Variants in NBEA observed in about 807,000 individuals in gnomAD.
The protein encoded by NBEA is neurobeachin.
Under a neutral mutation model 343.4 loss-of-function variants are expected in NBEA, and 44 were observed. The ratio of observed to expected loss-of-function variants is 0.13; its 90% CI spans 0.10 to 0.16. The LOEUF (loss-of-function observed/expected upper bound fraction) is 0.16. Ranked by LOEUF, NBEA falls within the 10% of genes least tolerant of loss-of-function variation. The probability of loss-of-function intolerance (pLI) is 1.00; values close to 1 mark genes in which losing one functional copy is unlikely to be tolerated. For missense variants in NBEA, 2,555 were observed against 3,631.3 expected, an observed-to-expected ratio of 0.70 and a Z score of 7.62; for synonymous variants, 1,175 against 1,238.7, an observed-to-expected ratio of 0.95 and a Z score of 1.08.
chr13:35,522,698 C>T (rs2077777867), intron 41 of NBEA, among the ~76,000 whole-genome samples: 1 of 151,886 alleles, frequency 6.6e-6, no homozygotes, highest in Admixed American at 6.6e-5. Flanking sequence ...GCTCCACCTC[C>T]TGTCAGATCA....
Position 35,654,834 on chromosome 13 carries a change from CT to C in NBEA, c.8036-15del. 3 of 1,553,702 alleles carry C rather than the reference CT, an allele frequency of 1.9e-6. No individual in the cohort carries two copies. The highest frequency in any genetic ancestry group is 2.2e-5 in the Admixed American group (1 of 45,824). On this transcript the variant is annotated intron_variant, in intron 53 of 58. Coordinates refer to ENST00000379939, the MANE Select transcript of NBEA (RefSeq NM_001385012.1). ...CTCATATGGAATCTTTCTTCAAATG[CT>C]TTTTTCCATTTACTTTTAGCCAATA...
At chr13:35,057,156 C>T (rs1566219837) in intron 7 of NBEA, among the ~76,000 whole-genome samples, 1 of 152,138 alleles carries the variant, frequency 6.6e-6, no homozygotes, top group Non-Finnish European at 1.5e-5. Context: ...ATATACAACC[C>T]TTCAAGCATA....
At chr13:34,975,196 A>G (rs1191970511) in intron 1 of NBEA, among the ~76,000 whole-genome samples, 1 of 152,196 alleles carries the variant, frequency 6.6e-6, no homozygotes, top group Admixed American at 6.5e-5. Context: ...GAAGCATCAC[A>G]TTATCCAACT....
At chr13:35,663,099 C>G (rs1373099284) in intron 55 of NBEA, among the ~76,000 whole-genome samples, 1 of 152,154 alleles carries the variant, frequency 6.6e-6, no homozygotes, top group Non-Finnish European at 1.5e-5. Context: ...CTCAGACATT[C>G]ATCACTTCTT....
chr13:35,373,935 G>T (rs1387303370), intron 38 of NBEA, among the ~76,000 whole-genome samples: 3 of 152,012 alleles, frequency 2.0e-5, no homozygotes, highest in Non-Finnish European at 4.4e-5. Flanking sequence ...TCAAACCCAT[G>T]TTATTCCAGA....
chr13:35,446,939 T>C (rs2046079587), intron 39 of NBEA, among the ~76,000 whole-genome samples: 2 of 152,100 alleles, frequency 1.3e-5, no homozygotes, highest in Non-Finnish European at 2.9e-5. Flanking sequence ...TGGCTTATTA[T>C]GTGGTTATAT....
intron 1 of NBEA, among the ~76,000 whole-genome samples, chr13:35,019,571 T>C (rs1280309318): frequency 2.0e-5 from 3 of 152,180 alleles, no homozygotes; most frequent in African/African-American, 7.2e-5. Context: ...CTGAGAAAGA[T>C]TGTGTAGAAT....
intron 45 of NBEA, among the ~76,000 whole-genome samples, chr13:35,581,680 C>T (rs971720892): frequency 3.9e-4 from 50 of 129,868 alleles, no homozygotes; most frequent in African/African-American, 1.5e-3. Flanking sequence ...GGGAATTGAA[C>T]AATGAGAACA....
intron 40 of NBEA, among the ~76,000 whole-genome samples, chr13:35,467,301 A>T (rs1035859590): frequency 1.3e-5 from 2 of 151,954 alleles, no homozygotes; most frequent in Non-Finnish European, 2.9e-5. Context: ...GTGAAACACC[A>T]TCTCTACTAA....
intron 1 of NBEA, among the ~76,000 whole-genome samples, chr13:34,965,731 A>G (rs2059800226): frequency 6.6e-6 from 1 of 151,984 alleles, no homozygotes; most frequent in South Asian, 2.1e-4. Context: ...TGCAGTTGCC[A>G]TGATCAAGGT....
chr13:35,257,441 A>G (rs1489448561), intron 34 of NBEA, among the ~76,000 whole-genome samples: 1 of 152,192 alleles, frequency 6.6e-6, no homozygotes, highest in Non-Finnish European at 1.5e-5. Context: ...TTTGATCACA[A>G]AATTTATTAA....
intron 43 of NBEA, among the ~76,000 whole-genome samples, chr13:35,554,293 C>T (rs1408500713): frequency 1.3e-5 from 2 of 152,114 alleles, no homozygotes; most frequent in African/African-American, 2.4e-5. Flanking sequence ...GTTTGAGAAC[C>T]TCTGTCAATC....
intron 34 of NBEA, among the ~76,000 whole-genome samples, chr13:35,249,355 T>C (rs569446274): frequency 6.6e-6 from 1 of 152,180 alleles, no homozygotes; most frequent in East Asian, 1.9e-4. Context: ...GAGAAAATAT[T>C]GCACATTATA....
intron 38 of NBEA, among the ~76,000 whole-genome samples, chr13:35,431,738 G>A (rs1216799587): frequency 6.6e-6 from 1 of 152,060 alleles, no homozygotes; most frequent in Non-Finnish European, 1.5e-5. Context: ...GGGCAGCGGG[G>A]AATTATTTCA....
chr13:35,372,735 TG>T (rs1041246172), intron 38 of NBEA, among the ~76,000 whole-genome samples: 5 of 152,040 alleles, frequency 3.3e-5, no homozygotes. Context: ...GCACCATTTC[TG>T]GGGGCAGTGG....
chr13:35,100,425 A>C (rs2152642794), intron 11 of NBEA, among the ~76,000 whole-genome samples: 1 of 151,974 alleles, frequency 6.6e-6, no homozygotes, highest in Admixed American at 6.5e-5. Context: ...ATGACAGAAT[A>C]CTCTTTTTCT....
At chr13:34,945,739 G>A (rs2059167792) in intron 1 of NBEA, among the ~76,000 whole-genome samples, 1 of 152,108 alleles carries the variant, frequency 6.6e-6, no homozygotes, top group Admixed American at 6.5e-5. Context: ...GCCTTTGTCA[G>A]TATATTTTTC....
chr13:35,281,950 T>G (rs1043109606), intron 34 of NBEA, among the ~76,000 whole-genome samples: 3 of 152,096 alleles, frequency 2.0e-5, no homozygotes, highest in African/African-American at 7.2e-5. Flanking sequence ...TCTTACTCTG[T>G]CACCCAGGCT....
intron 34 of NBEA, among the ~76,000 whole-genome samples, chr13:35,275,657 A>G (rs1208129411): frequency 1.3e-5 from 2 of 152,340 alleles, no homozygotes; most frequent in African/African-American, 2.4e-5. Context: ...CAAATTTACA[A>G]GAAAAAAACA....
Sources: gnomAD v4.1 joint callset for allele counts (sites outside exome capture counted in the v4.1 genomes callset) on GRCh38, gnomAD v4.1.1 for gene constraint, MANE v1.5 for transcripts, NCBI Gene and HGNC (gene_info 2026-07-23, HGNC 2026-07-21) for gene names.